Variants in RBMS1 observed in about 807,000 individuals in gnomAD.
RBMS1 encodes the protein RNA binding motif single stranded interacting protein 1.
In RBMS1, 17 loss-of-function variants were observed where a neutral mutation model predicts 62.3. The ratio of observed to expected loss-of-function variants is 0.27; its 90% confidence interval spans 0.19 to 0.41. The LOEUF (loss-of-function observed/expected upper bound fraction) is 0.41. Ranked by LOEUF, RBMS1 falls within the 10% of genes least tolerant of loss-of-function variation. The pLI is 1.00. For synonymous variants in RBMS1, 172 were observed against 170.0 expected, an observed-to-expected ratio of 1.01 and a Z score of -0.09; for missense variants, 334 against 504.5, an observed-to-expected ratio of 0.66 and a Z score of 3.24.
rs1234367698 is a variant in RBMS1, at chr2:160,273,004, T to C, written c.*1768A>G. 1.3e-5 allele frequency: 2 copies of C among 152,134 alleles called. No homozygotes were observed. The highest frequency in any genetic ancestry group is 2.1e-4 in the South Asian group (1 of 4,818). 9.4% of individuals were successfully genotyped at this position (152,134 alleles called of 1,614,324 possible). On this transcript the variant is annotated 3_prime_UTR_variant, in exon 14 of 14. Coordinates refer to ENST00000348849, the MANE Select transcript of RBMS1 (RefSeq NM_016836.4). ...CAACCTGTCCCAGCACAAAAGAAAA[T>C]AGACTCTGAGGTAGATAACTGATCA...
At chr2:160,439,862 G>A (rs1218347943) in intron 1 of RBMS1, among the ~76,000 whole-genome samples, 2 of 152,098 alleles carry the variant, frequency 1.3e-5, no homozygotes, top group African/African-American at 4.8e-5. Flanking sequence ...AGACCAGCCC[G>A]GCCAACACAG....
At chr2:160,296,911 C>T (rs544802070) in intron 6 of RBMS1, among the ~76,000 whole-genome samples, 21 of 152,230 alleles carry the variant, frequency 1.4e-4, no homozygotes, top group Middle Eastern at 3.4e-3. Context: ...GTCTGCTCTC[C>T]CAGCCTGAGT....
intron 2 of RBMS1, among the ~76,000 whole-genome samples, chr2:160,321,956 TG>T (rs1690586401): frequency 6.6e-6 from 1 of 152,228 alleles, no homozygotes; most frequent in Non-Finnish European, 1.5e-5. Context: ...ATTCTACCCA[TG>T]CTTGAACTTG....
chr2:160,445,890 T>A (rs1258336794), intron 1 of RBMS1, among the ~76,000 whole-genome samples: 1 of 152,138 alleles, frequency 6.6e-6, no homozygotes, highest in Non-Finnish European at 1.5e-5. Flanking sequence ...TTCACCCCAC[T>A]GCCTTGTTGC....
rs948699545 is a variant in RBMS1 at position 160,459,596 on chromosome 2, A to G, written c.75+33693T>C. ...TTCCTCTTTCTCCTCCACATTTATC[A>G]TTATTAACTGTTGACCAAAATCATG... is the stretch of plus-strand genomic sequence containing the variant. On this transcript the variant is annotated intron_variant, in intron 1 of 13. Coordinates refer to ENST00000348849, the MANE Select transcript of RBMS1 (RefSeq NM_016836.4). Among the ~76,000 whole-genome samples the G allele has an allele frequency of 7.9e-5, 12 of 152,182 alleles. 1 individual carries two copies. The highest frequency in any genetic ancestry group is 5.9e-4 in the Admixed American group (9 of 15,274).
intron 1 of RBMS1, among the ~76,000 whole-genome samples, chr2:160,423,216 CT>C (rs1178084616): frequency 1.4e-5 from 2 of 142,980 alleles, no homozygotes; most frequent in Non-Finnish European, 3.1e-5. Flanking sequence ...CTTTTCTTTT[CT>C]TTTTTTCTTT....
In RBMS1 at chr2:160,331,000, G is replaced by C. The variant is rs1259606142; in HGVS notation, c.252-12773C>G. Among the ~76,000 whole-genome samples the C allele has an allele frequency of 2.0e-5, 3 of 152,148 alleles. No individual in the cohort carries two copies. In the East Asian group the frequency reaches 5.8e-4, roughly 29 times the overall value. On this transcript the variant is annotated intron_variant, in intron 2 of 13. Transcript: ENST00000348849. The stretch of plus-strand genomic sequence containing the variant: ...TGAAAACGGAGGCAGAGATTGGAGG[G>C]AGAGATTCCTGCAAGCCAGGAACTT...
chr2:160,428,133 T>A (rs994394837), intron 1 of RBMS1, among the ~76,000 whole-genome samples: 1 of 152,052 alleles, frequency 6.6e-6, no homozygotes. Context: ...TTATAACAAA[T>A]ACAGTGGCTT....
At chr2:160,364,396 A>G (rs1251120027) in intron 2 of RBMS1, among the ~76,000 whole-genome samples, 1 of 152,198 alleles carries the variant, frequency 6.6e-6, no homozygotes, top group Non-Finnish European at 1.5e-5. Context: ...AAATGTTTCT[A>G]GGAAATTTAT....
chr2:160,343,721 C>T (rs908019454), intron 2 of RBMS1, among the ~76,000 whole-genome samples: 3 of 152,062 alleles, frequency 2.0e-5, no homozygotes, highest in African/African-American at 7.2e-5. Context: ...ACTTGTTCTG[C>T]CATTAGGAGA....
intron 2 of RBMS1, among the ~76,000 whole-genome samples, chr2:160,338,317 G>C (rs969078556): frequency 6.6e-6 from 1 of 152,136 alleles, no homozygotes; most frequent in East Asian, 1.9e-4. Flanking sequence ...TATAAAATAT[G>C]TAATACATGA....
chr2:160,455,731 T>C (rs1283700429), intron 1 of RBMS1, among the ~76,000 whole-genome samples: 6 of 147,008 alleles, frequency 4.1e-5, no homozygotes, highest in East Asian at 2.0e-4. Context: ...TCGCCCAGGC[T>C]GGAGTGCAGT....
intron 2 of RBMS1, among the ~76,000 whole-genome samples, chr2:160,329,392 G>GT (rs1691130398): frequency 6.6e-6 from 1 of 152,268 alleles, no homozygotes; most frequent in African/African-American, 2.4e-5. Context: ...GGTTACAGCT[G>GT]TAAGAGCGGA....
At chr2:160,401,085 G>T (rs1345225251) in intron 1 of RBMS1, among the ~76,000 whole-genome samples, 1 of 152,060 alleles carries the variant, frequency 6.6e-6, no homozygotes, top group Non-Finnish European at 1.5e-5. Context: ...AAATGTAAAG[G>T]ATCATAAAAA....
At chr2:160,348,512 G>A (rs535888866) in intron 2 of RBMS1, among the ~76,000 whole-genome samples, 2 of 152,198 alleles carry the variant, frequency 1.3e-5, no homozygotes, top group South Asian at 4.1e-4. Flanking sequence ...ACAGGACAAA[G>A]GCAAAAATGA....
chr2:160,488,037 A>G (rs759017998), intron 1 of RBMS1, among the ~76,000 whole-genome samples: 20 of 152,166 alleles, frequency 1.3e-4, no homozygotes, highest in Non-Finnish European at 2.8e-4. Context: ...AGCTGTTACC[A>G]TCCTCTCTAC....
chr2:160,373,134 T>C (rs1004981390), intron 1 of RBMS1, among the ~76,000 whole-genome samples: 6 of 152,204 alleles, frequency 3.9e-5, no homozygotes. Context: ...TAAATTTTTT[T>C]TTTGGCTGGA....
At chr2:160,421,890 G>A (rs901412866) in intron 1 of RBMS1, among the ~76,000 whole-genome samples, 15 of 152,300 alleles carry the variant, frequency 9.8e-5, no homozygotes, top group Non-Finnish European at 1.5e-5. Context: ...GCATTTCTCT[G>A]ATGGCCAGGG....
At chr2:160,376,371 G>A (rs1394601031) in intron 1 of RBMS1, among the ~76,000 whole-genome samples, 1 of 152,146 alleles carries the variant, frequency 6.6e-6, no homozygotes, top group Admixed American at 6.5e-5. Flanking sequence ...ACAGGAAACT[G>A]AACAAGTATT....
Sources: allele counts gnomAD v4.1 joint callset (sites outside exome capture counted in the v4.1 genomes callset), GRCh38; gene constraint gnomAD v4.1.1; transcripts MANE v1.5; gene names NCBI Gene and HGNC (gene_info 2026-07-23, HGNC 2026-07-21).